Variants in WDFY3 observed in about 807,000 individuals in gnomAD.
WDFY3 encodes the protein WD repeat and FYVE domain-containing protein 3.
Under a neutral mutation model 409.6 loss-of-function variants are expected in WDFY3, and 66 were observed. The observed-to-expected ratio is 0.16, with a 90% confidence interval of 0.13 to 0.20. The LOEUF is 0.20. Ranked by LOEUF, WDFY3 falls within the 10% of genes least tolerant of loss-of-function variation. WDFY3 has a pLI of 1.00. For synonymous variants in WDFY3, 1,521 were observed against 1,537.1 expected, an observed-to-expected ratio of 0.99 and a Z score of 0.25; for missense variants, 3,031 against 4,298.1, an observed-to-expected ratio of 0.71 and a Z score of 8.24.
At chr4:84,922,428 C>T (rs1333923489) in intron 2 of WDFY3, among the ~76,000 whole-genome samples, 1 of 152,124 alleles carries the variant, frequency 6.6e-6, no homozygotes, top group Non-Finnish European at 1.5e-5. Context: ...TTAATTTAGT[C>T]TTTTTATAAC....
rs751640143 is a variant in WDFY3 at position 84,691,822 on chromosome 4, G to A, written c.9050-37C>T. The stretch of plus-strand genomic sequence containing the variant: ...AAATCATGGTATTAGGACAGGAACA[G>A]GAAAAACTAATGTCATTATCTCATA... On this transcript the variant is annotated intron_variant, in intron 59 of 67. Coordinates refer to ENST00000295888, the MANE Select transcript of WDFY3 (RefSeq NM_014991.6). 40 of 1,543,908 alleles carry A rather than the reference G, an allele frequency of 2.6e-5. No individual in the cohort carries two copies. The South Asian group carries it at 4.7e-4, about 18-fold the overall frequency.
rs1432558421 is a variant in WDFY3 at position 84,705,431 on chromosome 4, C to T, written c.8298G>A (p.Gln2766=). 1.9e-5 allele frequency: 31 copies of T among 1,613,958 alleles called. No individual in the cohort carries two copies. Among genetic ancestry groups the T allele is most frequent in the Non-Finnish European group, 2.6e-5 (31 of 1,179,962 alleles). The change falls in exon 54 of 68, where the codon CAG becomes CAA. Residue 2766 remains glutamine (Q), a synonymous_variant. Coordinates refer to ENST00000295888, the MANE Select transcript of WDFY3 (RefSeq NM_014991.6). ...MGAQTDERLA[Q]YKKRYKDWED... The stretch of plus-strand genomic sequence containing the variant: ...CCCAGTCTTTATACCGCTTCTTATA[C>T]TGAGCTAATCGTTCATCTGTTTGTG...
chr4:84,849,233 T>C (rs1179564036), intron 5 of WDFY3, among the ~76,000 whole-genome samples: 3 of 152,012 alleles, frequency 2.0e-5, no homozygotes, highest in African/African-American at 7.2e-5. Context: ...AGAGAGCAAC[T>C]ACTACAGATG....
At chr4:84,841,738 T>C (rs948832322) in intron 5 of WDFY3, among the ~76,000 whole-genome samples, 1 of 152,220 alleles carries the variant, frequency 6.6e-6, no homozygotes, top group Admixed American at 6.5e-5. Flanking sequence ...CCAACAGTAG[T>C]GATTTAAAAA....
At chr4:84,963,670 A>G (rs1192069795) in intron 1 of WDFY3, among the ~76,000 whole-genome samples, 1 of 152,172 alleles carries the variant, frequency 6.6e-6, no homozygotes, top group Non-Finnish European at 1.5e-5. Flanking sequence ...TATACTTTGC[A>G]ATTCTAACTA....
chr4:84,743,077 A>T (rs1168402309), intron 37 of WDFY3, among the ~76,000 whole-genome samples: 1 of 152,180 alleles, frequency 6.6e-6, no homozygotes, highest in African/African-American at 2.4e-5. Flanking sequence ...TCGGGAAAAA[A>T]ATTGTAATTT....
chr4:84,706,485 T>C (rs1187206656), intron 53 of WDFY3, among the ~76,000 whole-genome samples: 3 of 150,640 alleles, frequency 2.0e-5, no homozygotes, highest in African/African-American at 7.4e-5. Flanking sequence ...GACCCTACGA[T>C]TGAGTAGGGT....
chr4:84,946,701 C>T (rs899371934), intron 1 of WDFY3, among the ~76,000 whole-genome samples: 3 of 152,192 alleles, frequency 2.0e-5, no homozygotes, highest in African/African-American at 7.2e-5. Context: ...GGAATGACCC[C>T]CAGCACCGAG....
intron 33 of WDFY3, among the ~76,000 whole-genome samples, chr4:84,756,700 C>A (rs1226147249): frequency 6.6e-6 from 1 of 151,750 alleles, no homozygotes; most frequent in African/African-American, 2.4e-5. Flanking sequence ...AGTCTTTATG[C>A]ATCTATAATA....
chr4:84,918,094 C>T (rs1768746191), intron 2 of WDFY3, among the ~76,000 whole-genome samples: 1 of 152,118 alleles, frequency 6.6e-6, no homozygotes, highest in Admixed American at 6.6e-5. Flanking sequence ...CACTCTCATA[C>T]ATTGCTGATG....
chr4:84,935,565 T>C (rs1771305294), intron 1 of WDFY3, among the ~76,000 whole-genome samples: 1 of 152,204 alleles, frequency 6.6e-6, no homozygotes, highest in Non-Finnish European at 1.5e-5. Context: ...GCCATTTTCA[T>C]ATTGTTTCAT....
At chr4:84,866,287 T>G (rs905249692) in intron 3 of WDFY3, among the ~76,000 whole-genome samples, 10 of 152,144 alleles carry the variant, frequency 6.6e-5, no homozygotes, top group Non-Finnish European at 1.2e-4. Flanking sequence ...CAATATGTGT[T>G]GACTTCGTAA....
At chr4:84,868,724 T>C (rs961268443) in intron 3 of WDFY3, among the ~76,000 whole-genome samples, 1 of 152,328 alleles carries the variant, frequency 6.6e-6, no homozygotes, top group East Asian at 1.9e-4. Context: ...CCTGCTGCCT[T>C]TCTGGAACCC....
intron 3 of WDFY3, among the ~76,000 whole-genome samples, chr4:84,866,640 G>A (rs566920100): frequency 1.4e-3 from 220 of 152,222 alleles, no homozygotes; most frequent in Non-Finnish European, 1.9e-3. Flanking sequence ...GTAGCTGATA[G>A]GGACCTCAAA....
chr4:84,927,156 T>C (rs2150922183), intron 2 of WDFY3, among the ~76,000 whole-genome samples: 1 of 152,322 alleles, frequency 6.6e-6, no homozygotes, highest in South Asian at 2.1e-4. Context: ...CAACTACTTA[T>C]AAAAATAAAC....
intron 21 of WDFY3, among the ~76,000 whole-genome samples, chr4:84,790,981 G>A (rs901695317): frequency 2.6e-5 from 4 of 152,000 alleles, no homozygotes; most frequent in Admixed American, 2.6e-4. Flanking sequence ...AGAATGTGGA[G>A]AAACTGGAAC....
At chr4:84,878,272 G>A (rs1455550570) in intron 3 of WDFY3, among the ~76,000 whole-genome samples, 1 of 152,018 alleles carries the variant, frequency 6.6e-6, no homozygotes. Flanking sequence ...CTGAGGACAA[G>A]GAACATCCCA....
rs1725468150 is a variant in WDFY3, at chr4:84,671,720, T to C, written c.*1148A>G. 1 of 152,588 alleles carries C rather than the reference T, an allele frequency of 6.6e-6. No individual in the cohort carries two copies. Among genetic ancestry groups the C allele is most frequent in the Non-Finnish European group, 1.5e-5 (1 of 68,012 alleles). The allele number at this position is 152,588 out of a possible 1,614,324, so 9.5% of individuals were successfully genotyped here. On this transcript the variant is annotated 3_prime_UTR_variant, in exon 68 of 68. Coordinates refer to ENST00000295888, the MANE Select transcript of WDFY3 (RefSeq NM_014991.6). ...TGATACAGTATAAATCTCACTGTTT[T>C]CAGGTAGATGACATTAAATGGTAAA...
intron 19 of WDFY3, 49 bp from the exon 20 acceptor site, chr4:84,795,028 C>T (rs1749144577): frequency 7.4e-7 from 1 of 1,344,884 alleles, no homozygotes. Flanking sequence ...GACTCCTTCT[C>T]TTAACACTGT....
Sources: allele counts gnomAD v4.1 joint callset (sites outside exome capture counted in the v4.1 genomes callset), GRCh38; gene constraint gnomAD v4.1.1; transcripts MANE v1.5; gene names NCBI Gene and HGNC (gene_info 2026-07-23, HGNC 2026-07-21).